The following TUG1 variants were observed in gnomAD, a reference collection of about 807,000 sequenced individuals.
The protein encoded by TUG1 is taurine upregulated gene 1.
exon 1 of TUG1, chr22:30,971,051 C>G (rs2041224344): frequency 6.6e-6 from 1 of 152,114 alleles, no homozygotes; most frequent in East Asian, 1.9e-4. Context: ...AGGCCATTAT[C>G]CAACAAACAC....
Position 30,975,166 on chromosome 22 carries a change from T to G in TUG1, c.*2695-4T>G, listed in dbSNP as rs983334038. 3 of 152,220 alleles carry G rather than the reference T, an allele frequency of 2.0e-5. No individual in the cohort carries two copies. Among genetic ancestry groups the G allele is most frequent in the African/African-American group, 7.2e-5 (3 of 41,444 alleles). 9.4% of individuals were successfully genotyped at this position (152,220 alleles called of 1,614,324 possible). A position where few individuals can be genotyped will look rare whatever the true frequency, so the allele number is the denominator to read the frequency against. The stretch of plus-strand genomic sequence containing the variant: ...CTTTCTGTGACCTATTTTTTGTATT[T>G]CAGCATTTTGTGACCGACTTATTCT... On this transcript the variant is annotated splice_polypyrimidine_tract_variant and splice_region_variant and intron_variant, in intron 2 of 2. Coordinates refer to ENST00000644773, the Ensembl canonical transcript of TUG1.
chr22:30,971,973 A>G (rs1217326942), intron 1 of TUG1, 194 bp downstream of exon 1: 1 of 152,190 alleles, frequency 6.6e-6, no homozygotes, highest in Non-Finnish European at 1.5e-5. Flanking sequence ...GTTTTATGAC[A>G]TTTCGTTATG....
exon 3 of TUG1, chr22:30,976,770 G>A (rs1461698192): frequency 2.0e-5 from 3 of 152,246 alleles, no homozygotes; most frequent in Non-Finnish European, 2.9e-5. Context: ...TGAGCTACTC[G>A]AATGAATGCA....
chr22:30,971,692 C>T (rs921181536), exon 1 of TUG1: 1 of 153,154 alleles, frequency 6.5e-6, no homozygotes, highest in Non-Finnish European at 1.5e-5. Flanking sequence ...AGCACTACCA[C>T]CAGCACTGTT....
At chr22:30,972,150 C>T (rs1235043669) in intron 1 of TUG1, 5 of 152,222 alleles carry the variant, frequency 3.3e-5, no homozygotes. Context: ...GTTTAGAGAG[C>T]AGGCTATCAG....
At chr22:30,975,615 C>T (rs142579603) in exon 3 of TUG1, 2 of 152,336 alleles carry the variant, frequency 1.3e-5, no homozygotes, top group African/African-American at 4.8e-5. Flanking sequence ...ATTAACAGCC[C>T]TCCACTCCAG....
exon 3 of TUG1, chr22:30,975,828 A>G (rs1434277275): frequency 6.6e-6 from 1 of 152,194 alleles, no homozygotes; most frequent in Non-Finnish European, 1.5e-5. Context: ...TATTAGAGCA[A>G]CTTGTACATT....
exon 2 of TUG1, chr22:30,973,119 A>T (rs2041250036): frequency 6.5e-6 from 1 of 152,708 alleles, no homozygotes; most frequent in African/African-American, 2.4e-5. Flanking sequence ...CCTCAAGCCA[A>T]ATAGCTAAAG....
At chr22:30,976,137 A>G in exon 3 of TUG1, 1 of 151,474 alleles carries the variant, frequency 6.6e-6, no homozygotes, top group Non-Finnish European at 1.5e-5. Flanking sequence ...CAGAATTATT[A>G]TGACTATTCA....
intron 2 of TUG1, chr22:30,974,475 T>C (rs944801614): frequency 1.3e-5 from 2 of 152,146 alleles, no homozygotes; most frequent in East Asian, 3.9e-4. Flanking sequence ...CAGAAACTGC[T>C]CTAGAGCAGT....
chr22:30,976,156 T>C (rs2041286338), exon 3 of TUG1: 2 of 152,284 alleles, frequency 1.3e-5, no homozygotes, highest in Admixed American at 6.5e-5. Context: ...CAGCTCACTT[T>C]AACAGTTGAA....
exon 1 of TUG1, chr22:30,970,482 T>C (rs576273750): frequency 3.9e-5 from 6 of 152,346 alleles, no homozygotes; most frequent in East Asian, 1.9e-4. Flanking sequence ...CTGATGCATA[T>C]GGTACAATGG....
chr22:30,971,676 T>C (rs1383729087), exon 1 of TUG1: 4 of 153,340 alleles, frequency 2.6e-5, no homozygotes, highest in Middle Eastern at 3.3e-3. Flanking sequence ...AGACAACGAC[T>C]GAGCAAGCAC....
chr22:30,970,316 A>T (rs1480646433), exon 1 of TUG1: 3 of 152,200 alleles, frequency 2.0e-5, no homozygotes, highest in African/African-American at 7.2e-5. Flanking sequence ...CCTAGATGTC[A>T]TTTGGGACCC....
intron 2 of TUG1, chr22:30,974,486 A>T (rs529407197): frequency 6.6e-6 from 1 of 152,322 alleles, no homozygotes; most frequent in Admixed American, 6.5e-5. Context: ...CTAGAGCAGT[A>T]TAACCAGTGC....
exon 2 of TUG1, chr22:30,973,202 GAC>G (rs772129043): frequency 4.6e-5 from 7 of 152,456 alleles, no homozygotes; most frequent in Admixed American, 6.5e-5. Context: ...AGCCTTCAGA[GAC>G]ACACAATAAA....
exon 3 of TUG1, chr22:30,979,024 A>G (rs532135853): frequency 2.8e-4 from 43 of 151,924 alleles, no homozygotes; most frequent in African/African-American, 1.0e-3. Context: ...ATCCCACAGA[A>G]GCGTAAAAAT....
At chr22:30,971,814 C>T (rs1006549174) in intron 1 of TUG1, 35 bp downstream of exon 1, 3 of 152,404 alleles carry the variant, frequency 2.0e-5, no homozygotes, top group African/African-American at 7.2e-5. Flanking sequence ...TTATCCTTTA[C>T]CATCTCTGCA....
chr22:30,972,540 C>T (rs1358164095), intron 1 of TUG1: 1 of 152,228 alleles, frequency 6.6e-6, no homozygotes, highest in African/African-American at 2.4e-5. Context: ...TGTGGAGCCA[C>T]TTCCTCTCCT....
Sources: gnomAD v4.1 joint callset for allele counts on GRCh38, gnomAD v4.1.1 for gene constraint, MANE v1.5 for transcripts, NCBI Gene and HGNC (gene_info 2026-07-23, HGNC 2026-07-21) for gene names.